The following RNF212B variants were observed in gnomAD, a reference collection of about 807,000 sequenced individuals.
RNF212B encodes ring finger protein 212B, also known as E3 ubiquitin-protein ligase RNF212B.
A neutral mutation model predicts 55.5 loss-of-function variants in RNF212B; 52 were observed. That is an observed-to-expected ratio of 0.94 (90% confidence interval 0.75 to 1.18). The LOEUF (loss-of-function observed/expected upper bound fraction) is 1.18, where lower values mean the gene tolerates loss of function less well. RNF212B is among the 50% of genes most tolerant of loss of function. The probability of loss-of-function intolerance (pLI) is 0.00; values close to 1 mark genes in which losing one functional copy is unlikely to be tolerated. For synonymous variants in RNF212B, 99 were observed against 121.4 expected, an observed-to-expected ratio of 0.82 and a Z score of 1.21; for missense variants, 289 against 350.4, an observed-to-expected ratio of 0.82 and a Z score of 1.40.
intron 4 of RNF212B, among the ~76,000 whole-genome samples, chr14:23,251,525 C>T (rs1285404275): frequency 1.3e-5 from 2 of 152,164 alleles, no homozygotes; most frequent in Admixed American, 1.3e-4. Flanking sequence ...ATAAAAGATA[C>T]AACATAGGGG....
At chr14:23,233,925 T>C (rs1379926560), upstream of RNF212B, among the ~76,000 whole-genome samples, 1 of 151,974 alleles carries the variant, frequency 6.6e-6, no homozygotes, top group African/African-American at 2.4e-5. Context: ...GGTGAAACCC[T>C]GTCTCTACTA....
chr14:23,218,428 G>A (rs921804661), intron 2 of RNF212B, among the ~76,000 whole-genome samples: 1 of 150,800 alleles, frequency 6.6e-6, no homozygotes, highest in Admixed American at 6.7e-5. Context: ...CCTCTTAAAA[G>A]TAATCTCTTA....
At chr14:23,264,050 TG>T (rs1341778044) in intron 9 of RNF212B, 123 bp from the exon 10 acceptor site, 3 of 669,176 alleles carry the variant, frequency 4.5e-6, no homozygotes, top group African/African-American at 1.8e-5. Context: ...CTTGTGCCAT[TG>T]TGCTCTAGCC....
At chr14:23,223,329 T>C (rs1250201771) in intron 2 of RNF212B, among the ~76,000 whole-genome samples, 1 of 151,646 alleles carries the variant, frequency 6.6e-6, no homozygotes, top group African/African-American at 2.4e-5. Flanking sequence ...ACAGCTAATA[T>C]TACACTGAAT....
chr14:23,252,534 G>T (rs1194289699), intron 4 of RNF212B, among the ~76,000 whole-genome samples: 1 of 152,178 alleles, frequency 6.6e-6, no homozygotes, highest in Non-Finnish European at 1.5e-5. Context: ...GCAGAGAAAG[G>T]GGTTTAATCA....
chr14:23,228,267 T>C (rs892095742), intron 2 of RNF212B, among the ~76,000 whole-genome samples: 2 of 150,840 alleles, frequency 1.3e-5, no homozygotes, highest in Non-Finnish European at 3.0e-5. Flanking sequence ...TTAGAAATTG[T>C]TTATCTGATA....
upstream of RNF212B, among the ~76,000 whole-genome samples, chr14:23,233,087 C>T (rs1001441391): frequency 2.0e-5 from 3 of 152,206 alleles, no homozygotes; most frequent in East Asian, 3.8e-4. Flanking sequence ...CCTTGGGATG[C>T]TGTTGATCTA....
intron 7 of RNF212B, 62 bp from the exon 8 acceptor site, chr14:23,262,603 T>C (rs917705327): frequency 8.6e-6 from 12 of 1,388,624 alleles, no homozygotes; most frequent in African/African-American, 2.9e-5. Flanking sequence ...ATTGATCCTC[T>C]AAAGTGGCAC....
chr14:23,203,571 C>T (rs990221825), intron 2 of RNF212B, among the ~76,000 whole-genome samples: 41 of 151,542 alleles, frequency 2.7e-4, no homozygotes, highest in African/African-American at 9.0e-4. Context: ...CTCCACCTTC[C>T]GGGTTCAAGC....
At chr14:23,204,128 T>C (rs1157255487) in intron 2 of RNF212B, among the ~76,000 whole-genome samples, 2 of 152,240 alleles carry the variant, frequency 1.3e-5, no homozygotes, top group Non-Finnish European at 2.9e-5. Context: ...TATTAGTCCT[T>C]TGTCAGATGG....
At chr14:23,211,690 A>T (rs1438109965) in intron 2 of RNF212B, among the ~76,000 whole-genome samples, 1 of 152,248 alleles carries the variant, frequency 6.6e-6, no homozygotes, top group Non-Finnish European at 1.5e-5. Context: ...AAAACAATGT[A>T]ATTCACCATA....
chr14:23,266,012 T>G (rs568001501), intron 11 of RNF212B, among the ~76,000 whole-genome samples: 1 of 152,334 alleles, frequency 6.6e-6, no homozygotes, highest in African/African-American at 2.4e-5. Context: ...GGTCTCACTC[T>G]GTTGCCCAGA....
chr14:23,248,534 C>T (rs1462074386), intron 4 of RNF212B, among the ~76,000 whole-genome samples: 40 of 150,146 alleles, frequency 2.7e-4, no homozygotes, highest in African/African-American at 8.8e-4. Context: ...CTCCGCCTCC[C>T]GGGTTCAAGC....
At chr14:23,206,415 T>C (rs1335105216) in intron 2 of RNF212B, among the ~76,000 whole-genome samples, 2 of 152,214 alleles carry the variant, frequency 1.3e-5, no homozygotes, top group Admixed American at 1.3e-4. Flanking sequence ...GCTTGTATTT[T>C]TCTTTAAGCC....
At chr14:23,243,365 G>A (rs1883740513) in intron 3 of RNF212B, 57 bp downstream of exon 3, 2 of 1,379,878 alleles carry the variant, frequency 1.4e-6, no homozygotes, top group South Asian at 1.2e-5. Context: ...CCTGTAGGAA[G>A]TATATACAAA....
chr14:23,209,695 A>C, intron 2 of RNF212B, among the ~76,000 whole-genome samples: 1 of 152,212 alleles, frequency 6.6e-6, no homozygotes. Flanking sequence ...TCTCTTTCAA[A>C]GAATAGATGG....
chr14:23,264,722 T>C (rs1483830498), intron 11 of RNF212B, 51 bp downstream of exon 11: 2 of 1,145,414 alleles, frequency 1.7e-6, no homozygotes, highest in Non-Finnish European at 2.2e-6. Flanking sequence ...TATGCGAAGA[T>C]CTGCGGATTT....
chr14:23,186,293 T>G (rs1337407769), intron 1 of RNF212B, among the ~76,000 whole-genome samples: 1 of 151,968 alleles, frequency 6.6e-6, no homozygotes, highest in Non-Finnish European at 1.5e-5. Flanking sequence ...TGGTGTAATA[T>G]GTTGACAAAA....
intron 4 of RNF212B, among the ~76,000 whole-genome samples, chr14:23,252,389 T>G (rs1019989785): frequency 1.3e-5 from 2 of 152,204 alleles, no homozygotes; most frequent in African/African-American, 4.8e-5. Context: ...AAAAAAAGTT[T>G]ATTATGATTT....
Sources: allele counts gnomAD v4.1 joint callset (sites outside exome capture counted in the v4.1 genomes callset), GRCh38; gene constraint gnomAD v4.1.1; transcripts MANE v1.5; gene names NCBI Gene and HGNC (gene_info 2026-07-23, HGNC 2026-07-21).